DEPDC5: variants seen among roughly 807,000 people sequenced by gnomAD.
DEPDC5 encodes the protein GATOR1 complex protein DEPDC5.
Under a neutral mutation model 217.3 loss-of-function variants are expected in DEPDC5, and 73 were observed. The observed-to-expected ratio is 0.34, with a 90% CI of 0.28 to 0.41. The LOEUF (loss-of-function observed/expected upper bound fraction) is 0.41. Ranked by LOEUF, DEPDC5 falls within the 10% of genes least tolerant of loss-of-function variation. DEPDC5 has a pLI of 1.00. For synonymous variants in DEPDC5, 733 were observed against 756.7 expected (o/e 0.97, Z 0.51); for missense variants, 1,675 against 2,070.1 (o/e 0.81, Z 3.70).
intron 33 of DEPDC5, among the ~76,000 whole-genome samples, chr22:31,868,648 A>G (rs1026253468): frequency 4.6e-5 from 7 of 152,072 alleles, no homozygotes; most frequent in Non-Finnish European, 1.0e-4. Context: ...GGTGGCCTCG[A>G]ACTCCTGGAC....
chr22:31,905,384 C>T (rs775790770), intron 41 of DEPDC5, among the ~76,000 whole-genome samples: 9 of 150,712 alleles, frequency 6.0e-5, no homozygotes, highest in East Asian at 2.0e-4. Context: ...GAGACTGAGG[C>T]GGAGAATCAC....
chr22:31,847,813 C>T (rs2091829225), intron 31 of DEPDC5, among the ~76,000 whole-genome samples: 1 of 152,224 alleles, frequency 6.6e-6, no homozygotes, highest in Non-Finnish European at 1.5e-5. Flanking sequence ...CATGCCTTCT[C>T]AACAGTCCCC....
At chr22:31,868,946 T>G (rs1345505505) in intron 33 of DEPDC5, among the ~76,000 whole-genome samples, 1 of 152,110 alleles carries the variant, frequency 6.6e-6, no homozygotes, top group Non-Finnish European at 1.5e-5. Context: ...TAATCCTGCC[T>G]CCAGGACCCT....
rs761678944 is a variant in DEPDC5, at chr22:31,857,495, A to C, written c.3206A>C (p.Gln1069Pro). The change falls in exon 32 of 43, where the codon CAG (glutamine) becomes CCG (proline). Residue 1069 changes from glutamine to proline, a missense_variant. By Grantham distance (76) the Gln-to-Pro change is moderately conservative. Coordinates refer to ENST00000651528, the MANE Select transcript of DEPDC5 (RefSeq NM_001242896.3). ...GTGCATGGTGGGAAGAGCTCCGCCC[A>C]GTCAGCCGAGAGCAGCAGCGTTGCC... The part of the protein sequence containing the change: ...AAVHGGKSSA[Q>P]SAESSSVAMT... The C allele has an allele frequency of 4.5e-5, 72 of 1,612,462 alleles. No individual in the cohort carries two copies. Among genetic ancestry groups the C allele is most frequent in the Non-Finnish European group, 5.9e-5 (69 of 1,179,448 alleles).
chr22:31,902,408 T>TTATA (rs66813737), intron 41 of DEPDC5, among the ~76,000 whole-genome samples: 12,999 of 111,518 alleles, frequency 0.12, 879 homozygotes, highest in Middle Eastern at 0.16. Flanking sequence ...CATCTCCTTA[T>TTATA]TATATATATA....
chr22:31,797,928 CTT>C (rs534957552), intron 13 of DEPDC5, among the ~76,000 whole-genome samples: 13 of 140,538 alleles, frequency 9.3e-5, no homozygotes, highest in African/African-American at 1.6e-4. Context: ...AGATGCCTTC[CTT>C]TTTTTTTTTT....
At chr22:31,756,140 C>G (rs1160665565) in intron 2 of DEPDC5, among the ~76,000 whole-genome samples, 1 of 151,584 alleles carries the variant, frequency 6.6e-6, no homozygotes, top group Non-Finnish European at 1.5e-5. Flanking sequence ...ACCTTAGCCT[C>G]CCAAAGTGCT....
chr22:31,775,003 C>A (rs1386200064), intron 7 of DEPDC5, among the ~76,000 whole-genome samples: 1 of 152,012 alleles, frequency 6.6e-6, no homozygotes, highest in Admixed American at 6.6e-5. Context: ...CGTAACTGGG[C>A]AAAGGAGTAT....
chr22:31,837,241 C>A, intron 26 of DEPDC5, 86 bp downstream of exon 26: 1 of 1,416,712 alleles, frequency 7.1e-7, no homozygotes, highest in South Asian at 1.3e-5. Context: ...TGGATTTGTG[C>A]TGGCTTCAGC....
chr22:31,892,541 G>T (rs770440588), intron 38 of DEPDC5, among the ~76,000 whole-genome samples: 1 of 152,102 alleles, frequency 6.6e-6, no homozygotes, highest in African/African-American at 2.4e-5. Flanking sequence ...AAAATTAGCC[G>T]GGTGTGGTGG....
chr22:31,776,287 T>C (rs1312602715), intron 7 of DEPDC5, among the ~76,000 whole-genome samples: 2 of 151,790 alleles, frequency 1.3e-5, no homozygotes, highest in African/African-American at 4.8e-5. Context: ...ATTTTTTGTA[T>C]TTTTTATAGC....
rs1372404674 is a variant in DEPDC5 at position 31,839,507 on chromosome 22, T to G, written c.2515+662T>G. Among the ~76,000 whole-genome samples the G allele has an allele frequency of 2.4e-5, 3 of 124,562 alleles. No homozygotes were observed. The East Asian group carries it at 7.0e-4, about 29-fold the overall frequency. 81.7% of individuals were successfully genotyped at this position (124,562 alleles called of 152,430 possible). ...GTCTTAGTCTCCTGTCTCTTCATTA[T>G]TGCTAACAAGACCCCCCCTCCCCTG... On this transcript the variant is annotated intron_variant, in intron 27 of 42. Transcript: ENST00000651528.
intron 37 of DEPDC5, 107 bp from the exon 38 acceptor site, chr22:31,879,418 C>A: frequency 9.6e-7 from 1 of 1,047,016 alleles, no homozygotes; most frequent in Non-Finnish European, 1.4e-6. Context: ...TGTGTGTCGG[C>A]TTCTTTTACT....
chr22:31,906,268 G>A lies in DEPDC5; in HGVS notation c.4583G>A (p.Arg1528Gln), dbSNP rs758757956. 51 of 1,613,762 alleles carry A rather than the reference G, an allele frequency of 3.2e-5. 1 individual carries two copies. Among genetic ancestry groups the A allele is most frequent in the South Asian group, 2.7e-4 (25 of 91,094 alleles). The change falls in exon 43 of 43, where the codon CGG (arginine) becomes CAG (glutamine). Residue 1528 changes from arginine to glutamine, a missense_variant. Arg to Gln is a conservative substitution (Grantham distance 43). Coordinates refer to ENST00000651528, the MANE Select transcript of DEPDC5 (RefSeq NM_001242896.3). The surrounding 1 kb of genome is among the most constrained non-coding windows in gnomAD (Gnocchi z 5.1). ...TTCTCAGGGCAGCAGCGGCGGCGGCGGAACTCCACCAGCTCCACCAACCAG... is the reference window on the plus strand; with the variant it reads ...TTCTCAGGGCAGCAGCGGCGGCGGCAGAACTCCACCAGCTCCACCAACCAG... ...RKFSGQQRRR[R>Q]NSTSSTNQNM...
intron 10 of DEPDC5, among the ~76,000 whole-genome samples, chr22:31,785,500 C>T (rs957422772): frequency 1.3e-5 from 2 of 151,564 alleles, no homozygotes; most frequent in Admixed American, 1.3e-4. Context: ...CCTGTGTTCA[C>T]AGGTTGAAAG....
intron 41 of DEPDC5, 104 bp downstream of exon 41, chr22:31,901,906 T>C (rs1428129269): frequency 9.3e-7 from 1 of 1,070,094 alleles, no homozygotes; most frequent in Middle Eastern, 2.0e-4. Flanking sequence ...GAGAAAGGGA[T>C]GTATTCCACC....
At chr22:31,854,867 G>A (rs1239194205) in intron 31 of DEPDC5, among the ~76,000 whole-genome samples, 1 of 151,884 alleles carries the variant, frequency 6.6e-6, no homozygotes, top group Non-Finnish European at 1.5e-5. Context: ...TAAATTGCAA[G>A]GATAAGGAGA....
intron 24 of DEPDC5, among the ~76,000 whole-genome samples, chr22:31,827,782 G>A (rs1291333909): frequency 2.0e-5 from 3 of 152,070 alleles, no homozygotes; most frequent in Admixed American, 6.6e-5. Flanking sequence ...CCTCTTGTTC[G>A]CCCCTCTGCT....
chr22:31,819,318 C>G, intron 22 of DEPDC5, 93 bp downstream of exon 22: 1 of 1,356,112 alleles, frequency 7.4e-7, no homozygotes, highest in Non-Finnish European at 1.0e-6. Flanking sequence ...TCAGGTGCCT[C>G]TGTTGCTCCA....
Sources: gnomAD v4.1 joint callset for allele counts (sites outside exome capture counted in the v4.1 genomes callset) on GRCh38, gnomAD v4.1.1 for gene constraint, Gnocchi (gnomAD v3.1) non-coding constraint, MANE v1.5 for transcripts, NCBI Gene and HGNC (gene_info 2026-07-23, HGNC 2026-07-21) for gene names.